COL23A1: variants seen among roughly 807,000 people sequenced by gnomAD.
COL23A1 encodes the protein collagen type XXIII alpha 1 chain.
In COL23A1, 97 loss-of-function variants were observed where a neutral mutation model predicts 99.3. That is an observed-to-expected ratio of 0.98 (90% CI 0.83 to 1.16). COL23A1 has a LOEUF of 1.16. Ranked by LOEUF, COL23A1 falls within the 50% of genes most tolerant of loss-of-function variation. COL23A1 has a pLI of 0.00. For missense variants in COL23A1, 762 were observed against 757.4 expected, an observed-to-expected ratio of 1.01 and a Z score of -0.07; for synonymous variants, 320 against 308.2, an observed-to-expected ratio of 1.04 and a Z score of -0.40.
rs1765248443 is a variant in COL23A1 at position 178,255,394 on chromosome 5, G to C, written c.883-368C>G. On this transcript the variant is annotated intron_variant, in intron 15 of 28. Coordinates refer to ENST00000390654, the MANE Select transcript of COL23A1 (RefSeq NM_173465.4). The surrounding 1 kb of genome is among the most constrained non-coding windows in gnomAD (Gnocchi z 4.2). ...CTCCAAAACACAAAGACATGAGCAG[G>C]CTGGATCTGGCCCCCGTGCCTCCAT... 6.6e-6 allele frequency among the ~76,000 whole-genome samples: 1 copy of C among 152,214 alleles called. No homozygotes were observed. The highest frequency in any genetic ancestry group is 1.5e-5 in the Non-Finnish European group (1 of 68,040).
At chr5:178,553,161 T>G (rs1457780730) in intron 2 of COL23A1, among the ~76,000 whole-genome samples, 4 of 102,322 alleles carry the variant, frequency 3.9e-5, no homozygotes, top group Admixed American at 1.2e-4. Context: ...CAGAGTGAGA[T>G]CCTATCTTAA....
chr5:178,248,022 G>A (rs1451904166), intron 20 of COL23A1, among the ~76,000 whole-genome samples, 170 bp downstream of exon 20: 1 of 152,182 alleles, frequency 6.6e-6, no homozygotes, highest in African/African-American at 2.4e-5. Context: ...CTCCAGCCTG[G>A]GAGACATGGT....
chr5:178,409,011 CACACACACACAT>C (rs1319395985), intron 2 of COL23A1, among the ~76,000 whole-genome samples: 5 of 145,144 alleles, frequency 3.4e-5, no homozygotes, highest in Non-Finnish European at 6.0e-5. Context: ...CACACACACA[CACACACACACAT>C]CATGTGGCTG....
At chr5:178,498,456 C>T (rs904817923) in intron 2 of COL23A1, among the ~76,000 whole-genome samples, 7 of 150,654 alleles carry the variant, frequency 4.6e-5, no homozygotes, top group African/African-American at 1.7e-4. Context: ...AACAATTAGG[C>T]TTTGTGCATC....
At position 178,255,136 on chromosome 5, in the gene COL23A1, G is replaced by GAGGCTCT; in HGVS notation, c.883-111_883-110insAGAGCCT. 1 of 918,588 alleles carries GAGGCTCT rather than the reference G, an allele frequency of 1.1e-6. No individual in the cohort carries two copies. Among genetic ancestry groups the GAGGCTCT allele is most frequent in the Non-Finnish European group, 1.8e-6 (1 of 570,576 alleles). 56.9% of individuals were successfully genotyped at this position (918,588 alleles called of 1,614,324 possible). A position where few individuals can be genotyped will look rare whatever the true frequency, so the allele number is the denominator to read the frequency against. On this transcript the variant is annotated intron_variant, in intron 15 of 28. Coordinates refer to ENST00000390654, the MANE Select transcript of COL23A1 (RefSeq NM_173465.4). The surrounding 1 kb of genome is among the most constrained non-coding windows in gnomAD (Gnocchi z 4.2). Reference sequence around the variant, plus strand: ...AGAGAGAAAGCAATGGAAGAGCCTCGTCACCCAGGCTGCACGCATGCCCCT... The same window carrying GAGGCTCT: ...AGAGAGAAAGCAATGGAAGAGCCTCGAGGCTCTTCACCCAGGCTGCACGCATGCCCCT...
chr5:178,282,205 C>A (rs1189268664), intron 5 of COL23A1, among the ~76,000 whole-genome samples: 2 of 152,136 alleles, frequency 1.3e-5, no homozygotes, highest in African/African-American at 2.4e-5. Context: ...TTCCTAATTT[C>A]TAATAACGGC....
At chr5:178,248,330 C>T (rs1764827301) in intron 19 of COL23A1, 76 bp from the exon 20 acceptor site, 1 of 1,142,944 alleles carries the variant, frequency 8.7e-7, no homozygotes, top group Non-Finnish European at 1.3e-6. Flanking sequence ...AGTGACCTCC[C>T]TTCCTTCCCC....
intron 2 of COL23A1, among the ~76,000 whole-genome samples, chr5:178,476,627 G>T (rs1393992248): frequency 2.0e-5 from 3 of 152,214 alleles, no homozygotes; most frequent in Non-Finnish European, 4.4e-5. Context: ...TCTGCCTGCC[G>T]TGCTCCTCTT....
chr5:178,574,320 G>A (rs903202003), intron 1 of COL23A1, among the ~76,000 whole-genome samples: 4 of 152,174 alleles, frequency 2.6e-5, no homozygotes, highest in Non-Finnish European at 5.9e-5. Context: ...CTGGTCATGG[G>A]CGCATATATT....
intron 3 of COL23A1, among the ~76,000 whole-genome samples, chr5:178,294,793 A>G (rs1362430003): frequency 2.6e-5 from 4 of 152,204 alleles, no homozygotes; most frequent in African/African-American, 9.6e-5. Context: ...GGTCTGATCC[A>G]ACCACATAAA....
At chr5:178,493,890 G>T (rs905705331) in intron 2 of COL23A1, among the ~76,000 whole-genome samples, 1 of 152,210 alleles carries the variant, frequency 6.6e-6, no homozygotes, top group Non-Finnish European at 1.5e-5. Flanking sequence ...GCATGCAATC[G>T]TGACAGGCCA....
At chr5:178,499,814 T>C (rs185514632) in intron 2 of COL23A1, among the ~76,000 whole-genome samples, 1 of 152,232 alleles carries the variant, frequency 6.6e-6, no homozygotes, top group African/African-American at 2.4e-5. Context: ...TATCTATCAA[T>C]TAGCAAAAGG....
At chr5:178,324,882 C>T (rs1397077069) in intron 2 of COL23A1, among the ~76,000 whole-genome samples, 1 of 152,216 alleles carries the variant, frequency 6.6e-6, no homozygotes, top group Non-Finnish European at 1.5e-5. Context: ...GGCCCCATCA[C>T]ATCCACAGTT....
chr5:178,320,719 A>C (rs1176608049), intron 2 of COL23A1, among the ~76,000 whole-genome samples: 1 of 152,246 alleles, frequency 6.6e-6, no homozygotes, highest in Non-Finnish European at 1.5e-5. Flanking sequence ...CCCCAGGGCC[A>C]GGGCTGAGGC....
At chr5:178,302,333 G>A (rs36185834) in intron 3 of COL23A1, among the ~76,000 whole-genome samples, 11 of 125,662 alleles carry the variant, frequency 8.8e-5, no homozygotes, top group East Asian at 2.3e-4. Context: ...GCCGGAGCAC[G>A]GCTTCAATCC....
intron 2 of COL23A1, among the ~76,000 whole-genome samples, chr5:178,320,910 C>T (rs1163630309): frequency 2.0e-5 from 3 of 152,192 alleles, no homozygotes; most frequent in African/African-American, 4.8e-5. Context: ...CTGCCTCCTG[C>T]GCACTCCAGA....
At chr5:178,369,969 A>C (rs147158030) in intron 2 of COL23A1, among the ~76,000 whole-genome samples, 1 of 152,234 alleles carries the variant, frequency 6.6e-6, no homozygotes, top group Non-Finnish European at 1.5e-5. Context: ...TGTGGCCCGA[A>C]GTACTGAGTC....
At position 178,424,884 on chromosome 5, in the gene COL23A1, T is replaced by A. The variant is rs184530255; in HGVS notation, c.362-117965A>T. Among the ~76,000 whole-genome samples, 10 of 152,316 alleles carry A rather than the reference T, an allele frequency of 6.6e-5. No individual in the cohort carries two copies. In the East Asian group the frequency reaches 1.9e-3, roughly 29 times the overall value. On this transcript the variant is annotated intron_variant, in intron 2 of 28. Coordinates refer to ENST00000390654, the MANE Select transcript of COL23A1 (RefSeq NM_173465.4). ...TACCACACAGAGGGGGTTCAGTAAG[T>A]GATCTAGGGCACCCCGCTCATTGGA...
At chr5:178,359,490 T>C (rs1274379988) in intron 2 of COL23A1, among the ~76,000 whole-genome samples, 2 of 152,190 alleles carry the variant, frequency 1.3e-5, no homozygotes, top group African/African-American at 4.8e-5. Flanking sequence ...ATCACACCAC[T>C]GCACTCTAGC....
Sources: allele counts gnomAD v4.1 joint callset (sites outside exome capture counted in the v4.1 genomes callset), GRCh38; gene constraint gnomAD v4.1.1; non-coding constraint Gnocchi (gnomAD v3.1); transcripts MANE v1.5; gene names NCBI Gene and HGNC (gene_info 2026-07-23, HGNC 2026-07-21).